SH3PXD2B: variants seen among roughly 807,000 people sequenced by gnomAD.
SH3PXD2B encodes the protein SH3 and PX domain-containing protein 2B.
SH3PXD2B carries 37 observed loss-of-function variants against 73.1 expected under a neutral mutation model. The observed-to-expected ratio is 0.51, with a 90% confidence interval of 0.39 to 0.67. The LOEUF is 0.67. Among genes scored for constraint, SH3PXD2B ranks in the 30% least tolerant of loss-of-function variants. The pLI is 0.00. For missense variants in SH3PXD2B, 1,053 were observed against 1,197.8 expected (o/e 0.88, Z 1.78); for synonymous variants, 457 against 480.5 (o/e 0.95, Z 0.64).
rs1337638680 is a variant in SH3PXD2B at position 172,336,895 on chromosome 5, C to CA, written c.*1473dup. Reference sequence around the variant, plus strand: ...CCCTGGGTTTCTTCAAGGGAGAAAACAGATTTGGCAGTGCGTGAAAAAAGA... The same window carrying CA: ...CCCTGGGTTTCTTCAAGGGAGAAAACAAGATTTGGCAGTGCGTGAAAAAAGA... On this transcript the variant is annotated 3_prime_UTR_variant, in exon 13 of 13. Coordinates refer to ENST00000311601, the MANE Select transcript of SH3PXD2B (RefSeq NM_001017995.3). The CA allele has an allele frequency of 1.0e-6, 1 of 985,310 alleles. No homozygotes were observed. The highest frequency in any genetic ancestry group is 1.1e-4 in the East Asian group (1 of 8,826). The allele number at this position is 985,310 out of a possible 1,614,324, so 61.0% of individuals were successfully genotyped here.
intron 5 of SH3PXD2B, among the ~76,000 whole-genome samples, chr5:172,378,720 T>A (rs1185120402): frequency 2.6e-5 from 4 of 152,138 alleles, no homozygotes; most frequent in African/African-American, 9.7e-5. Context: ...CCATCTTACA[T>A]AAGAGGAGAC....
intron 3 of SH3PXD2B, among the ~76,000 whole-genome samples, chr5:172,402,481 A>T (rs1360541305): frequency 6.6e-6 from 1 of 152,126 alleles, no homozygotes; most frequent in Non-Finnish European, 1.5e-5. Flanking sequence ...CCCCTTTTGA[A>T]AATCACTAAT....
At chr5:172,419,033 G>A (rs745818913) in intron 2 of SH3PXD2B, among the ~76,000 whole-genome samples, 5 of 152,092 alleles carry the variant, frequency 3.3e-5, no homozygotes, top group South Asian at 2.1e-4. Flanking sequence ...AGCCAGGTGC[G>A]TCCGCTTAAC....
intron 1 of SH3PXD2B, among the ~76,000 whole-genome samples, chr5:172,424,848 C>G (rs1480027649): frequency 2.0e-5 from 3 of 152,174 alleles, no homozygotes; most frequent in African/African-American, 7.2e-5. Flanking sequence ...GCTCTGAGCA[C>G]CTTGCCAGGA....
intron 2 of SH3PXD2B, among the ~76,000 whole-genome samples, chr5:172,414,190 C>T (rs1460791354): frequency 2.0e-5 from 3 of 152,114 alleles, no homozygotes; most frequent in Admixed American, 1.3e-4. Context: ...AGGTCAAGGC[C>T]GGGCGCAGTG....
intron 11 of SH3PXD2B, 132 bp downstream of exon 11, chr5:172,347,151 T>A: frequency 1.1e-6 from 1 of 904,220 alleles, no homozygotes. Context: ...TTCTACAGCC[T>A]GCTTCACAAG....
Position 172,334,810 on chromosome 5 carries a change from A to G in SH3PXD2B, c.*3559T>C. 1.0e-6 allele frequency: 1 copy of G among 985,440 alleles called. No individual in the cohort carries two copies. The highest frequency in any genetic ancestry group is 1.2e-6 in the Non-Finnish European group (1 of 829,950). The allele number at this position is 985,440 out of a possible 1,614,324, so 61.0% of individuals were successfully genotyped here. On this transcript the variant is annotated 3_prime_UTR_variant, in exon 13 of 13. Coordinates refer to ENST00000311601, the MANE Select transcript of SH3PXD2B (RefSeq NM_001017995.3). Reference sequence around the variant, plus strand: ...GTCCTTCTCAAGTCCTGGCACACTCAGCACTTGCTCTTTAACGTGGCATAT... The same window carrying G: ...GTCCTTCTCAAGTCCTGGCACACTCGGCACTTGCTCTTTAACGTGGCATAT...
chr5:172,364,104 G>A (rs1002930425), intron 6 of SH3PXD2B, among the ~76,000 whole-genome samples: 5 of 152,090 alleles, frequency 3.3e-5, no homozygotes, highest in African/African-American at 1.2e-4. Flanking sequence ...CTGGTTAAGC[G>A]CTAAGACATA....
rs1053822425 is a variant in SH3PXD2B, at chr5:172,401,793, T to C, written c.232+4484A>G. Among the ~76,000 whole-genome samples the C allele has an allele frequency of 5.3e-5, 8 of 152,222 alleles. No individual in the cohort carries two copies. The South Asian group carries it at 1.2e-3, about 24-fold the overall frequency. On this transcript the variant is annotated intron_variant, in intron 3 of 12. Transcript: ENST00000311601. ...AATGTCCATGAAGATTTCAGGGACA[T>C]GTATCACTTCCCCAATCAATATTCT...
intron 12 of SH3PXD2B, among the ~76,000 whole-genome samples, chr5:172,343,630 G>A (rs772390579): frequency 8.5e-5 from 13 of 152,056 alleles, no homozygotes; most frequent in Non-Finnish European, 8.8e-5. Flanking sequence ...GTGAAACCCC[G>A]TCTCTACTAA....
intron 1 of SH3PXD2B, among the ~76,000 whole-genome samples, chr5:172,423,434 G>C (rs1759018257): frequency 6.6e-6 from 1 of 151,730 alleles, no homozygotes; most frequent in South Asian, 2.1e-4. Flanking sequence ...CAGTGTCCCT[G>C]TCCTCCATGA....
chr5:172,325,286 A>C, exon 13 of SH3PXD2B: 4 of 1,534,754 alleles, frequency 2.6e-6, no homozygotes, highest in Non-Finnish European at 3.5e-6. Context: ...TCACATCTCC[A>C]TGGAAGCTGC....
chr5:172,425,885 G>C (rs1170484516), intron 1 of SH3PXD2B, among the ~76,000 whole-genome samples: 1 of 152,118 alleles, frequency 6.6e-6, no homozygotes, highest in Non-Finnish European at 1.5e-5. Context: ...CTCATTGAAG[G>C]GCTGCACCTG....
intron 12 of SH3PXD2B, among the ~76,000 whole-genome samples, chr5:172,328,191 G>A (rs1365270086): frequency 6.7e-6 from 1 of 149,948 alleles, no homozygotes; most frequent in Non-Finnish European, 1.5e-5. Flanking sequence ...CAATGGCGTG[G>A]TCTCAGCTCA....
chr5:172,397,847 C>T (rs963014237), intron 3 of SH3PXD2B, among the ~76,000 whole-genome samples: 1 of 152,188 alleles, frequency 6.6e-6, no homozygotes, highest in South Asian at 2.1e-4. Context: ...TGTTCCTGGG[C>T]TCGGTCTCGG....
At chr5:172,360,861 T>C (rs775705744) in intron 7 of SH3PXD2B, among the ~76,000 whole-genome samples, 1 of 152,112 alleles carries the variant, frequency 6.6e-6, no homozygotes, top group Non-Finnish European at 1.5e-5. Context: ...AAAAAAGATA[T>C]GTGTATCTTA....
rs1756703118 is a variant in SH3PXD2B at position 172,336,701 on chromosome 5, G to GGGGCGGGGCA, written c.*1658_*1667dup. 4.1e-6 allele frequency: 4 copies of GGGGCGGGGCA among 984,526 alleles called. No individual in the cohort carries two copies. The highest frequency in any genetic ancestry group is 9.4e-5 in the South Asian group (2 of 21,242). The allele number at this position is 984,526 out of a possible 1,614,324, so 61.0% of individuals were successfully genotyped here. ...TCTCTGGGGCAGGGCAGGGTGGGGA[G>GGGGCGGGGCA]GGGCGGGGCAGGGCAGGGCAGGGCT... On this transcript the variant is annotated 3_prime_UTR_variant, in exon 13 of 13. Coordinates refer to ENST00000311601, the MANE Select transcript of SH3PXD2B (RefSeq NM_001017995.3).
At chr5:172,454,179 C>T in intron 1 of SH3PXD2B, 99 bp downstream of exon 1, 4 of 965,572 alleles carry the variant, frequency 4.1e-6, no homozygotes, top group African/African-American at 1.7e-5. Context: ...GAGGAGGGGA[C>T]GGGAAGCGCT....
intron 4 of SH3PXD2B, among the ~76,000 whole-genome samples, chr5:172,388,775 C>T (rs1319839504): frequency 6.6e-6 from 1 of 152,222 alleles, no homozygotes; most frequent in Non-Finnish European, 1.5e-5. Context: ...TGAACTGGAA[C>T]TTCCCGGCTA....
Sources: gnomAD v4.1 joint callset for allele counts (sites outside exome capture counted in the v4.1 genomes callset) on GRCh38, gnomAD v4.1.1 for gene constraint, MANE v1.5 for transcripts, NCBI Gene and HGNC (gene_info 2026-07-23, HGNC 2026-07-21) for gene names.